The following ELP3 variants were observed in gnomAD, a reference collection of about 807,000 sequenced individuals.
The protein encoded by ELP3 is elongator complex protein 3.
A neutral mutation model predicts 74.9 loss-of-function variants in ELP3; 56 were observed. The ratio of observed to expected loss-of-function variants is 0.75; its 90% confidence interval spans 0.60 to 0.93. The LOEUF is 0.93. Among genes scored for constraint, ELP3 ranks in the 40% least tolerant of loss-of-function variants. ELP3 has a pLI of 0.00. For synonymous variants in ELP3, 222 were observed against 239.8 expected (o/e 0.93, Z 0.68); for missense variants, 573 against 686.5 (o/e 0.83, Z 1.85).
intron 14 of ELP3, among the ~76,000 whole-genome samples, chr8:28,166,408 A>G (rs1044369544): frequency 6.6e-6 from 1 of 152,252 alleles, no homozygotes; most frequent in African/African-American, 2.4e-5. Context: ...TAGGCAAGAA[A>G]TAACAGCTAA....
At chr8:28,131,935 T>C (rs1344699789) in intron 8 of ELP3, among the ~76,000 whole-genome samples, 1 of 152,220 alleles carries the variant, frequency 6.6e-6, no homozygotes, top group Non-Finnish European at 1.5e-5. Flanking sequence ...AAGCTTATTT[T>C]GACTGGTGAT....
intron 10 of ELP3, among the ~76,000 whole-genome samples, chr8:28,153,862 G>A (rs984850760): frequency 2.6e-5 from 4 of 152,122 alleles, no homozygotes; most frequent in Non-Finnish European, 4.4e-5. Context: ...TAACTTCTCA[G>A]TGACCAGTTT....
intron 10 of ELP3, among the ~76,000 whole-genome samples, chr8:28,146,768 C>T (rs1813449315): frequency 6.6e-6 from 1 of 152,192 alleles, no homozygotes; most frequent in African/African-American, 2.4e-5. Context: ...CTGAAACTGG[C>T]AATTACCACA....
intron 5 of ELP3, 76 bp downstream of exon 5, chr8:28,108,052 C>A: frequency 1.6e-6 from 2 of 1,261,472 alleles, no homozygotes; most frequent in African/African-American, 1.5e-5. Flanking sequence ...CCAGTACTGG[C>A]TTTCTGACAA....
At chr8:28,131,722 C>A (rs1291400006) in intron 8 of ELP3, among the ~76,000 whole-genome samples, 1 of 152,204 alleles carries the variant, frequency 6.6e-6, no homozygotes, top group Non-Finnish European at 1.5e-5. Flanking sequence ...ACTCTGCCTT[C>A]TCACTAAGTC....
chr8:28,090,938 A>G (rs1585617955), upstream of ELP3, among the ~76,000 whole-genome samples: 1 of 127,668 alleles, frequency 7.8e-6, no homozygotes, highest in African/African-American at 3.1e-5. Flanking sequence ...CCGGAGTCTC[A>G]CTGTGTCGCC....
chr8:28,139,366 G>A (rs1019283025), intron 10 of ELP3, among the ~76,000 whole-genome samples: 5 of 152,170 alleles, frequency 3.3e-5, no homozygotes, highest in Admixed American at 2.6e-4. Context: ...GAGCACTGTG[G>A]TGTTTTGGAA....
intron 7 of ELP3, among the ~76,000 whole-genome samples, chr8:28,121,445 G>A (rs889886928): frequency 4.0e-4 from 61 of 150,792 alleles, no homozygotes; most frequent in African/African-American, 1.4e-3. Context: ...TCAGCCTCCC[G>A]AGTAGCTGGG....
chr8:28,168,376 C>T (rs759564612), intron 14 of ELP3, among the ~76,000 whole-genome samples: 3 of 152,168 alleles, frequency 2.0e-5, no homozygotes, highest in African/African-American at 7.2e-5. Flanking sequence ...GCAGTCCAGC[C>T]TCTTACATTT....
upstream of ELP3, among the ~76,000 whole-genome samples, chr8:28,090,617 T>C (rs114338700): frequency 5.6e-3 from 846 of 152,148 alleles, 5 homozygotes; most frequent in African/African-American, 0.019. Context: ...TTAAAGGTAT[T>C]GTGTATGTGT....
chr8:28,117,870 A>G (rs1240637923), intron 7 of ELP3, among the ~76,000 whole-genome samples: 2 of 152,238 alleles, frequency 1.3e-5, no homozygotes, highest in African/African-American at 2.4e-5. Context: ...TTTGTGCTAT[A>G]GAACTAGAGA....
In ELP3 at chr8:28,107,988, T is replaced by G; in HGVS notation, c.393+12T>G. 6.2e-7 allele frequency: 1 copy of G among 1,609,952 alleles called. No individual in the cohort carries two copies. On this transcript the variant is annotated intron_variant, in intron 5 of 14. Coordinates refer to ENST00000256398, the MANE Select transcript of ELP3 (RefSeq NM_018091.6). ...ACACTGGCTATGAGGTACAGTAACT[T>G]TGAGGCTGTCCTGATGAAATGTTGC...
intron 1 of ELP3, among the ~76,000 whole-genome samples, chr8:28,096,226 C>G (rs532728582): frequency 1.3e-5 from 2 of 152,170 alleles, no homozygotes; most frequent in Non-Finnish European, 2.9e-5. Context: ...CCCACTGATT[C>G]TATGGGAACA....
intron 1 of ELP3, among the ~76,000 whole-genome samples, chr8:28,095,601 GTA>G (rs2130338359): frequency 6.6e-6 from 1 of 152,290 alleles, no homozygotes; most frequent in South Asian, 2.1e-4. Context: ...AAATTGTTGT[GTA>G]TATGTTAGCC....
intron 7 of ELP3, among the ~76,000 whole-genome samples, chr8:28,123,277 G>T (rs1396107708): frequency 6.6e-6 from 1 of 152,160 alleles, no homozygotes; most frequent in Admixed American, 6.5e-5. Flanking sequence ...TTTGATCCAT[G>T]GAATGTATAG....
At chr8:28,095,006 T>G (rs1424120428) in intron 1 of ELP3, among the ~76,000 whole-genome samples, 1 of 152,282 alleles carries the variant, frequency 6.6e-6, no homozygotes, top group Non-Finnish European at 1.5e-5. Context: ...CTTCACTGTC[T>G]GTTGCATTCC....
At chr8:28,129,284 TTTGC>T in intron 7 of ELP3, 7 of 534,698 alleles carry the variant, frequency 1.3e-5, no homozygotes, top group South Asian at 4.7e-5. Flanking sequence ...TTATCCTCAT[TTTGC>T]AGTTAAAGGA....
At chr8:28,112,939 A>C in intron 6 of ELP3, 80 bp from the exon 7 acceptor site, 4 of 1,356,394 alleles carry the variant, frequency 2.9e-6, no homozygotes, top group Non-Finnish European at 4.0e-6. Context: ...AAAACACTGC[A>C]AAATAAGAGA....
chr8:28,188,963 T>C (rs1231103260), intron 14 of ELP3, among the ~76,000 whole-genome samples: 1 of 152,078 alleles, frequency 6.6e-6, no homozygotes, highest in East Asian at 1.9e-4. Flanking sequence ...TTGAGTTAAA[T>C]TATAGAACAC....
Sources: allele counts gnomAD v4.1 joint callset (sites outside exome capture counted in the v4.1 genomes callset), GRCh38; gene constraint gnomAD v4.1.1; transcripts MANE v1.5; gene names NCBI Gene and HGNC (gene_info 2026-07-23, HGNC 2026-07-21).